The following ATP1B2 variants were observed in gnomAD, a reference collection of about 807,000 sequenced individuals.
The protein encoded by ATP1B2 is sodium/potassium-transporting ATPase subunit beta-2.
In ATP1B2, 12 loss-of-function variants were observed where a neutral mutation model predicts 37.3. The observed-to-expected ratio is 0.32, with a 90% CI of 0.21 to 0.52. The LOEUF is 0.52. Ranked by LOEUF, ATP1B2 falls within the 20% of genes least tolerant of loss-of-function variation. The probability of loss-of-function intolerance (pLI) is 0.96; values close to 1 mark genes in which losing one functional copy is unlikely to be tolerated. For missense variants in ATP1B2, 324 were observed against 391.6 expected (o/e 0.83, Z 1.46); for synonymous variants, 139 against 140.5 (o/e 0.99, Z 0.07).
chr17:7,650,924 T>C (rs1641513), upstream of ATP1B2, among the ~76,000 whole-genome samples: 132,576 of 152,190 alleles, frequency 0.87, 57,994 homozygotes, highest in Middle Eastern at 0.93. Flanking sequence ...ACCGCGGGCC[T>C]CGCACTGCTG....
Position 7,655,687 on chromosome 17 carries a change from C to T in ATP1B2, c.709-44C>T, listed in dbSNP as rs765858689. ...CGGGTGGTGAGCTAGGGAAGGAGGC[C>T]GCGTTGCCCCAGGCCTAGACCCTGC... On this transcript the variant is annotated intron_variant, in intron 6 of 6. Transcript: ENST00000250111. This position sits in a 1 kb window ranked among gnomAD's most constrained non-coding sequence, Gnocchi z 4.4. 24 of 1,613,854 alleles carry T rather than the reference C, an allele frequency of 1.5e-5. No individual in the cohort carries two copies. The highest frequency in any genetic ancestry group is 2.2e-5 in the East Asian group (1 of 44,872).
In ATP1B2 at chr17:7,651,331, G is replaced by A. The variant is rs1481825354; in HGVS notation, c.-188G>A. ...GGATCGGTGCATCTTCCGCCGCGCT[G>A]CCAGCACCCCGCAGCGCGTGGTCGT... On this transcript the variant is annotated 5_prime_UTR_variant, in exon 1 of 7. Transcript: ENST00000250111. The A allele has an allele frequency of 1.0e-5, 6 of 594,396 alleles. No homozygotes were observed. Among genetic ancestry groups the A allele is most frequent in the Non-Finnish European group, 1.8e-5 (6 of 334,506 alleles). 36.8% of individuals were successfully genotyped at this position (594,396 alleles called of 1,614,324 possible).
rs1304115315 is a variant in ATP1B2, at chr17:7,655,299, A to G, written c.610-228A>G. 6.8e-6 allele frequency: 4 copies of G among 585,396 alleles called. No homozygotes were observed. The highest frequency in any genetic ancestry group is 1.9e-5 in the African/African-American group (1 of 53,506). 36.3% of individuals were successfully genotyped at this position (585,396 alleles called of 1,614,324 possible). On this transcript the variant is annotated intron_variant, in intron 5 of 6. Coordinates refer to ENST00000250111, the MANE Select transcript of ATP1B2 (RefSeq NM_001678.5). The surrounding 1 kb of genome is among the most constrained non-coding windows in gnomAD (Gnocchi z 4.4). Reference sequence around the variant, plus strand: ...GAGTGGAGTAGGAGGCTTTCGTGCCATTAGCAGCCTTCAGGAGTTCCTAGA... The same window carrying G: ...GAGTGGAGTAGGAGGCTTTCGTGCCGTTAGCAGCCTTCAGGAGTTCCTAGA...
In ATP1B2 at chr17:7,656,055, A is replaced by G; in HGVS notation, c.*160A>G. 1.0e-6 allele frequency: 1 copy of G among 997,544 alleles called. No homozygotes were observed. Among genetic ancestry groups the G allele is most frequent in the Non-Finnish European group, 1.4e-6 (1 of 693,874 alleles). The allele number at this position is 997,544 out of a possible 1,614,324, so 61.8% of individuals were successfully genotyped here. The stretch of plus-strand genomic sequence containing the variant: ...TTCCTTGACTTCTCAACCCAGCCTG[A>G]AGTCCATTGCGGTTCCGTCACTCGC... On this transcript the variant is annotated 3_prime_UTR_variant, in exon 7 of 7. Coordinates refer to ENST00000250111, the MANE Select transcript of ATP1B2 (RefSeq NM_001678.5).
In ATP1B2 at chr17:7,655,460, T is replaced by C; in HGVS notation, c.610-67T>C. ...GGAAGAACAAAAGAACAAATGGAAGTCTGGTGAGCTCCTGGGTGCCTGCCA... is the reference window on the plus strand; with the variant it reads ...GGAAGAACAAAAGAACAAATGGAAGCCTGGTGAGCTCCTGGGTGCCTGCCA... On this transcript the variant is annotated intron_variant, in intron 5 of 6. Coordinates refer to ENST00000250111, the MANE Select transcript of ATP1B2 (RefSeq NM_001678.5). This position sits in a 1 kb window ranked among gnomAD's most constrained non-coding sequence, Gnocchi z 4.4. The C allele has an allele frequency of 6.9e-7, 1 of 1,457,974 alleles. No homozygotes were observed. Among genetic ancestry groups the C allele is most frequent in the Non-Finnish European group, 9.6e-7 (1 of 1,041,964 alleles). 90.3% of individuals were successfully genotyped at this position (1,457,974 alleles called of 1,614,324 possible).
At position 7,655,847 on chromosome 17, in the gene ATP1B2, C is replaced by T. The variant is rs1175723600; in HGVS notation, c.825C>T (p.Asp275=). The part of the protein sequence containing the change: ...AANIATDDER[D]KFAGRVAFKL... Reference sequence around the variant, plus strand: ...ACATCGCCACAGACGATGAGCGAGACAAGTTCGCCGGCCGCGTGGCCTTCA... The same window carrying T: ...ACATCGCCACAGACGATGAGCGAGATAAGTTCGCCGGCCGCGTGGCCTTCA... Residue 275 remains aspartate, a synonymous_variant, in exon 7 of 7, where the codon GAC becomes GAT. Transcript: ENST00000250111. The surrounding 1 kb of genome is among the most constrained non-coding windows in gnomAD (Gnocchi z 4.4). 1.9e-6 allele frequency: 3 copies of T among 1,614,150 alleles called. No individual in the cohort carries two copies. The Admixed American group carries it at 5.0e-5, about 27-fold the overall frequency.
Position 7,654,588 on chromosome 17 carries a change from T to G in ATP1B2, c.553-40T>G. The G allele has an allele frequency of 6.2e-7, 1 of 1,609,364 alleles. No individual in the cohort carries two copies. Among genetic ancestry groups the G allele is most frequent in the Non-Finnish European group, 8.5e-7 (1 of 1,175,694 alleles). On this transcript the variant is annotated intron_variant, in intron 4 of 6. Transcript: ENST00000250111. This position sits in a 1 kb window ranked among gnomAD's most constrained non-coding sequence, Gnocchi z 4.9. ...GGTCTGGATGCCCATCTTCGACAAC[T>G]TCTTCCTCTGACTCTCTTCACCTTC... is the stretch of plus-strand genomic sequence containing the variant.
chr17:7,653,054 A>T (rs532473860), intron 1 of ATP1B2, among the ~76,000 whole-genome samples: 1 of 152,286 alleles, frequency 6.6e-6, no homozygotes, highest in African/African-American at 2.4e-5. Flanking sequence ...ATGCAGAGGT[A>T]ACAGATGTGT....
Position 7,655,513 on chromosome 17 carries a change from C to A in ATP1B2, c.610-14C>A. The A allele has an allele frequency of 6.2e-7, 1 of 1,613,988 alleles. No individual in the cohort carries two copies. The highest frequency in any genetic ancestry group is 8.5e-7 in the Non-Finnish European group (1 of 1,179,876). Reference sequence around the variant, plus strand: ...CCTAACTGGCTCACCCCCTATCTTCCTGCACCCCCACAGCGAGATGAAGAT... The same window carrying A: ...CCTAACTGGCTCACCCCCTATCTTCATGCACCCCCACAGCGAGATGAAGAT... On this transcript the variant is annotated splice_polypyrimidine_tract_variant and intron_variant, in intron 5 of 6. Transcript: ENST00000250111. The surrounding 1 kb of genome is among the most constrained non-coding windows in gnomAD (Gnocchi z 4.4).
rs1169348316 is a variant in ATP1B2, at chr17:7,656,686, C to CGCTCTTG, written c.*792_*798dup. 6.5e-6 allele frequency: 1 copy of CGCTCTTG among 152,962 alleles called. No individual in the cohort carries two copies. The highest frequency in any genetic ancestry group is 1.5e-5 in the Non-Finnish European group (1 of 68,752). The allele number at this position is 152,962 out of a possible 1,614,324, so 9.5% of individuals were successfully genotyped here. ...TCTTTGTTTTTTTGAGATGGAGTTT[C>CGCTCTTG]GCTCTTGTTGCCCAGGCTGGAGTGC... On this transcript the variant is annotated 3_prime_UTR_variant, in exon 7 of 7. Transcript: ENST00000250111.
At chr17:7,653,762 C>A in intron 2 of ATP1B2, 79 bp from the exon 3 acceptor site, 1 of 1,434,000 alleles carries the variant, frequency 7.0e-7, no homozygotes, top group Non-Finnish European at 9.7e-7. Context: ...CTCTGGTGTT[C>A]CCTGTGTCCA....
rs1037909144 is a variant in ATP1B2 at position 7,654,169 on chromosome 17, C to T, written c.464C>T (p.Thr155Ile). 16 of 1,614,186 alleles carry T rather than the reference C, an allele frequency of 9.9e-6. No homozygotes were observed. The highest frequency in any genetic ancestry group is 1.3e-5 in the Non-Finnish European group (15 of 1,180,042). The change falls in exon 4 of 7, where the codon ACC (threonine) becomes ATC (isoleucine). Residue 155 changes from threonine to isoleucine, a missense_variant. Transcript: ENST00000250111. This position sits in a 1 kb window ranked among gnomAD's most constrained non-coding sequence, Gnocchi z 4.9. ...YPKRACQFNR[T>I]QLGNCSGIGD... ...AAACGTGCCTGCCAATTCAACCGGACCCAGCTGGGCAACTGCTCCGGCATT... is the reference window on the plus strand; with the variant it reads ...AAACGTGCCTGCCAATTCAACCGGATCCAGCTGGGCAACTGCTCCGGCATT...
In ATP1B2 at chr17:7,655,270, G is replaced by A. The variant is rs1402045538; in HGVS notation, c.610-257G>A. 1.8e-6 allele frequency: 1 copy of A among 553,246 alleles called. No homozygotes were observed. Among genetic ancestry groups the A allele is most frequent in the Middle Eastern group, 4.8e-4 (1 of 2,088 alleles). The allele number at this position is 553,246 out of a possible 1,614,324, so 34.3% of individuals were successfully genotyped here. On this transcript the variant is annotated intron_variant, in intron 5 of 6. Coordinates refer to ENST00000250111, the MANE Select transcript of ATP1B2 (RefSeq NM_001678.5). This position sits in a 1 kb window ranked among gnomAD's most constrained non-coding sequence, Gnocchi z 4.4. ...CCTGAGGATGGGGTAAGAACTTGGG[G>A]TAGGAGTGGAGTAGGAGGCTTTCGT...
chr17:7,647,915 C>T (rs1185662203), upstream of ATP1B2, among the ~76,000 whole-genome samples: 5 of 151,964 alleles, frequency 3.3e-5, no homozygotes, highest in Admixed American at 3.3e-4. Context: ...GCCCCAACTA[C>T]CTGGAGGCTG....
At position 7,654,788 on chromosome 17, in the gene ATP1B2, C is replaced by G; in HGVS notation, c.609+104C>G. On this transcript the variant is annotated intron_variant, in intron 5 of 6. Coordinates refer to ENST00000250111, the MANE Select transcript of ATP1B2 (RefSeq NM_001678.5). This position sits in a 1 kb window ranked among gnomAD's most constrained non-coding sequence, Gnocchi z 4.9. ...CTGTCTCTCCCTATCTTCTTTGCTC[C>G]TAGAGGCCCCATCACCATAGAAACA... 3.0e-6 allele frequency: 4 copies of G among 1,355,728 alleles called. No homozygotes were observed. Among genetic ancestry groups the G allele is most frequent in the Non-Finnish European group, 4.2e-6 (4 of 952,610 alleles). The allele number at this position is 1,355,728 out of a possible 1,614,324, so 84.0% of individuals were successfully genotyped here. A position where few individuals can be genotyped will look rare whatever the true frequency, so the allele number is the denominator to read the frequency against.
rs891142130 is a variant in ATP1B2, at chr17:7,655,123, C to T, written c.610-404C>T. On this transcript the variant is annotated intron_variant, in intron 5 of 6. Transcript: ENST00000250111. The surrounding 1 kb of genome is among the most constrained non-coding windows in gnomAD (Gnocchi z 4.4). ...TCGTTGTCCTTGGGACCCTGTTCCC[C>T]GCTTCCCCCCCGGTCTGTCCTTTCT... The T allele has an allele frequency of 1.3e-5, 4 of 312,996 alleles. No homozygotes were observed. The highest frequency in any genetic ancestry group is 4.3e-5 in the African/African-American group (2 of 46,544). 19.4% of individuals were successfully genotyped at this position (312,996 alleles called of 1,614,324 possible).
Position 7,654,504 on chromosome 17 carries a change from A to T in ATP1B2, c.553-124A>T. 1 of 1,150,348 alleles carries T rather than the reference A, an allele frequency of 8.7e-7. No homozygotes were observed. The highest frequency in any genetic ancestry group is 1.3e-6 in the Non-Finnish European group (1 of 772,678). The allele number at this position is 1,150,348 out of a possible 1,614,324, so 71.3% of individuals were successfully genotyped here. A position where few individuals can be genotyped will look rare whatever the true frequency, so the allele number is the denominator to read the frequency against. ...AGGCTGGCCTTGAACTCCTGGAATT[A>T]AGCTATCCTCCCGCCTCAACCTCCC... On this transcript the variant is annotated intron_variant, in intron 4 of 6. Coordinates refer to ENST00000250111, the MANE Select transcript of ATP1B2 (RefSeq NM_001678.5). This position sits in a 1 kb window ranked among gnomAD's most constrained non-coding sequence, Gnocchi z 4.9.
In ATP1B2 at chr17:7,651,338, C is replaced by T. The variant is rs555479164; in HGVS notation, c.-181C>T. On this transcript the variant is annotated 5_prime_UTR_variant, in exon 1 of 7. Transcript: ENST00000250111. ...TGCATCTTCCGCCGCGCTGCCAGCA[C>T]CCCGCAGCGCGTGGTCGTGCACCCC... is the stretch of plus-strand genomic sequence containing the variant. The T allele has an allele frequency of 1.7e-6, 1 of 601,204 alleles. No individual in the cohort carries two copies. Among genetic ancestry groups the T allele is most frequent in the South Asian group, 1.9e-5 (1 of 52,058 alleles). The allele number at this position is 601,204 out of a possible 1,614,324, so 37.2% of individuals were successfully genotyped here.
chr17:7,647,662 T>C (rs540979203), upstream of ATP1B2, among the ~76,000 whole-genome samples: 1 of 151,590 alleles, frequency 6.6e-6, no homozygotes, highest in South Asian at 2.1e-4. Context: ...CTACTAAAAA[T>C]ACAAAAATTA....
Sources: allele counts gnomAD v4.1 joint callset (sites outside exome capture counted in the v4.1 genomes callset), GRCh38; gene constraint gnomAD v4.1.1; non-coding constraint Gnocchi (gnomAD v3.1); transcripts MANE v1.5; gene names NCBI Gene and HGNC (gene_info 2026-07-23, HGNC 2026-07-21).